ZFAND3: variants seen among roughly 807,000 people sequenced by gnomAD.
ZFAND3 encodes zinc finger AN1-type containing 3, also known as AN1-type zinc finger protein 3.
Under a neutral mutation model 29.6 loss-of-function variants are expected in ZFAND3, and 10 were observed. That is an observed-to-expected ratio of 0.34 (90% confidence interval 0.21 to 0.57). The LOEUF (loss-of-function observed/expected upper bound fraction) is 0.57. Ranked by LOEUF, ZFAND3 falls within the 20% of genes least tolerant of loss-of-function variation. The probability of loss-of-function intolerance (pLI) is 0.86; values close to 1 mark genes in which losing one functional copy is unlikely to be tolerated. For synonymous variants in ZFAND3, 128 were observed against 112.6 expected (o/e 1.14, Z -0.87); for missense variants, 230 against 304.5 (o/e 0.76, Z 1.82).
intron 2 of ZFAND3, among the ~76,000 whole-genome samples, chr6:38,009,191 A>C (rs1015657010): frequency 6.6e-6 from 1 of 152,230 alleles, no homozygotes. Flanking sequence ...TAAATAGTTA[A>C]ATAAAATTTA....
At chr6:38,122,607 C>T (rs1343140175) in intron 5 of ZFAND3, among the ~76,000 whole-genome samples, 3 of 152,112 alleles carry the variant, frequency 2.0e-5, no homozygotes, top group Non-Finnish European at 2.9e-5. Context: ...TTTGGCGTAA[C>T]AGCATGTGTC....
At chr6:38,071,022 T>G (rs1347349388) in intron 3 of ZFAND3, among the ~76,000 whole-genome samples, 1 of 151,746 alleles carries the variant, frequency 6.6e-6, no homozygotes, top group African/African-American at 2.4e-5. Flanking sequence ...GCTTATTTAT[T>G]TTTTATTAGC....
chr6:37,922,795 G>T (rs544553557), intron 1 of ZFAND3, among the ~76,000 whole-genome samples: 131 of 152,280 alleles, frequency 8.6e-4, no homozygotes, highest in African/African-American at 2.8e-3. Context: ...GTGTACACCT[G>T]TCCCAGGCAC....
chr6:37,844,590 C>G (rs1187090326), intron 1 of ZFAND3, among the ~76,000 whole-genome samples: 3 of 151,934 alleles, frequency 2.0e-5, no homozygotes, highest in Non-Finnish European at 4.4e-5. Flanking sequence ...CAGTTTTTTT[C>G]TTTTCTAAGT....
At chr6:37,858,427 A>G (rs1300565532) in intron 1 of ZFAND3, among the ~76,000 whole-genome samples, 1 of 152,348 alleles carries the variant, frequency 6.6e-6, no homozygotes, top group East Asian at 1.9e-4. Context: ...AAAGGTTAGA[A>G]TAAGATTGAA....
chr6:38,121,090 A>G (rs1402376872), intron 5 of ZFAND3, among the ~76,000 whole-genome samples: 2 of 152,238 alleles, frequency 1.3e-5, no homozygotes. Context: ...GTGGTGGCTC[A>G]TGCCTGTAAT....
At chr6:37,890,664 T>G (rs1765079050) in intron 1 of ZFAND3, among the ~76,000 whole-genome samples, 1 of 152,226 alleles carries the variant, frequency 6.6e-6, no homozygotes, top group African/African-American at 2.4e-5. Context: ...ATGGCCAGAC[T>G]AACACTATCA....
chr6:38,116,121 A>G (rs1018713537), intron 4 of ZFAND3, among the ~76,000 whole-genome samples: 2 of 152,250 alleles, frequency 1.3e-5, no homozygotes, highest in African/African-American at 4.8e-5. Flanking sequence ...GCATAGTGAT[A>G]CAGAGATACA....
intron 4 of ZFAND3, among the ~76,000 whole-genome samples, chr6:38,114,675 C>T (rs555608931): frequency 6.6e-6 from 1 of 151,518 alleles, no homozygotes; most frequent in Non-Finnish European, 1.5e-5. Context: ...GTCCACTGGA[C>T]AATCTTGGGT....
chr6:38,096,112 T>C (rs1764973174), intron 4 of ZFAND3, among the ~76,000 whole-genome samples: 1 of 152,202 alleles, frequency 6.6e-6, no homozygotes. Context: ...GATTATCATT[T>C]TTATGAGTAA....
chr6:37,839,760 G>A (rs1236688063), intron 1 of ZFAND3, among the ~76,000 whole-genome samples: 1 of 151,784 alleles, frequency 6.6e-6, no homozygotes, highest in Non-Finnish European at 1.5e-5. Context: ...TGATCCACCT[G>A]CCTCCGCCTC....
chr6:37,882,190 ACT>A (rs1764909227), intron 1 of ZFAND3, among the ~76,000 whole-genome samples: 1 of 151,894 alleles, frequency 6.6e-6, no homozygotes, highest in Non-Finnish European at 1.5e-5. Context: ...CAAAAGTATT[ACT>A]CTTTGTTTGT....
chr6:38,119,857 C>T (rs755910851), intron 5 of ZFAND3, among the ~76,000 whole-genome samples: 4 of 152,182 alleles, frequency 2.6e-5, no homozygotes, highest in Non-Finnish European at 5.9e-5. Flanking sequence ...ACATAGGGAA[C>T]AGCTAGAGGT....
At chr6:37,969,657 G>T (rs1434657092) in intron 2 of ZFAND3, among the ~76,000 whole-genome samples, 2 of 152,186 alleles carry the variant, frequency 1.3e-5, no homozygotes, top group African/African-American at 4.8e-5. Context: ...ATCAGGGAAT[G>T]TCTGTATACA....
chr6:37,907,839 TATAAATA>T (rs2127403484), intron 1 of ZFAND3, among the ~76,000 whole-genome samples: 1 of 152,374 alleles, frequency 6.6e-6, no homozygotes, highest in Admixed American at 6.5e-5. Flanking sequence ...TGCCTTTTTC[TATAAATA>T]TACCTTTTCC....
intron 1 of ZFAND3, among the ~76,000 whole-genome samples, chr6:37,849,019 T>TC (rs1764233956): frequency 6.6e-6 from 1 of 152,212 alleles, no homozygotes; most frequent in Non-Finnish European, 1.5e-5. Flanking sequence ...AAAAATCAAC[T>TC]CTAAGATTTG....
At chr6:38,108,967 T>A (rs1765261000) in intron 4 of ZFAND3, among the ~76,000 whole-genome samples, 1 of 152,198 alleles carries the variant, frequency 6.6e-6, no homozygotes, top group South Asian at 2.1e-4. Flanking sequence ...TTATTGAAAT[T>A]TTTAAAATAA....
chr6:37,822,132 G>T (rs1324291637), intron 1 of ZFAND3, among the ~76,000 whole-genome samples: 2 of 152,210 alleles, frequency 1.3e-5, no homozygotes, highest in African/African-American at 2.4e-5. Context: ...ACCGCGCCCG[G>T]CCAGCCTTTT....
intron 1 of ZFAND3, among the ~76,000 whole-genome samples, chr6:37,892,634 A>G (rs75423996): frequency 0.064 from 9,727 of 152,304 alleles, 433 homozygotes; most frequent in Non-Finnish European, 0.093. Flanking sequence ...TTAATAGAGA[A>G]TAGAAAAATA....
Sources: allele counts gnomAD v4.1 joint callset (sites outside exome capture counted in the v4.1 genomes callset), GRCh38; gene constraint gnomAD v4.1.1; transcripts MANE v1.5; gene names NCBI Gene and HGNC (gene_info 2026-07-23, HGNC 2026-07-21).